Variants in GRM5 observed in about 807,000 individuals in gnomAD.
GRM5 encodes the protein glutamate metabotropic receptor 5.
Under a neutral mutation model 83.1 loss-of-function variants are expected in GRM5, and 19 were observed. That is an observed-to-expected ratio of 0.23 (90% CI 0.16 to 0.34). GRM5 has a LOEUF of 0.34. Among genes scored for constraint, GRM5 ranks in the 10% least tolerant of loss-of-function variants. The pLI is 1.00. For missense variants in GRM5, 1,160 were observed against 1,588.3 expected (o/e 0.73, Z 4.58); for synonymous variants, 675 against 633.6 (o/e 1.07, Z -0.98).
intron 4 of GRM5, among the ~76,000 whole-genome samples, chr11:88,617,636 G>T (rs748410686): frequency 6.6e-6 from 1 of 152,104 alleles, no homozygotes; most frequent in Admixed American, 6.5e-5. Flanking sequence ...GTAAGCGGTG[G>T]GTGCAAAGGC....
chr11:88,589,175 T>C (rs1196734541), intron 7 of GRM5, among the ~76,000 whole-genome samples: 1 of 150,362 alleles, frequency 6.7e-6, no homozygotes, highest in Non-Finnish European at 1.5e-5. Context: ...ATAGGAATAC[T>C]GCTCCTCACC....
At chr11:88,747,144 G>T (rs879417223) in intron 3 of GRM5, among the ~76,000 whole-genome samples, 9 of 152,024 alleles carry the variant, frequency 5.9e-5, no homozygotes, top group Non-Finnish European at 7.4e-5. Context: ...AAAACCAAAG[G>T]CTCTCAACCT....
At chr11:88,600,239 C>T (rs547698748) in intron 5 of GRM5, among the ~76,000 whole-genome samples, 47 of 148,972 alleles carry the variant, frequency 3.2e-4, no homozygotes, top group Middle Eastern at 3.4e-3. Flanking sequence ...CCTCCTCCTC[C>T]TTCCTCCTCC....
chr11:88,944,137 C>T (rs543881125), intron 2 of GRM5, among the ~76,000 whole-genome samples: 12 of 151,796 alleles, frequency 7.9e-5, no homozygotes, highest in East Asian at 1.9e-4. Flanking sequence ...CTTTATTAGG[C>T]GGGGGAAATG....
At chr11:88,724,587 T>C (rs1941630486) in intron 3 of GRM5, among the ~76,000 whole-genome samples, 1 of 152,110 alleles carries the variant, frequency 6.6e-6, no homozygotes, top group African/African-American at 2.4e-5. Flanking sequence ...ACTGCATGAA[T>C]GGATGGATAA....
At chr11:88,968,787 C>G (rs1939074031) in intron 2 of GRM5, among the ~76,000 whole-genome samples, 1 of 152,016 alleles carries the variant, frequency 6.6e-6, no homozygotes. Flanking sequence ...TAAAAAGCCA[C>G]TGAATTGTAT....
intron 2 of GRM5, among the ~76,000 whole-genome samples, chr11:88,992,007 A>G (rs1459747095): frequency 6.6e-6 from 1 of 152,164 alleles, no homozygotes; most frequent in Non-Finnish European, 1.5e-5. Context: ...GACAAAATTG[A>G]CAAATGGGAT....
intron 2 of GRM5, among the ~76,000 whole-genome samples, chr11:89,026,520 T>C (rs1463746782): frequency 6.6e-6 from 1 of 152,146 alleles, no homozygotes; most frequent in Non-Finnish European, 1.5e-5. Flanking sequence ...AAAATAAAAT[T>C]TTGTCTCAAG....
intron 7 of GRM5, among the ~76,000 whole-genome samples, chr11:88,581,425 C>T (rs1943211154): frequency 6.6e-6 from 1 of 152,194 alleles, no homozygotes; most frequent in African/African-American, 2.4e-5. Flanking sequence ...CACAATGAGT[C>T]ACTGGTGGAG....
chr11:88,884,938 A>T (rs588325), intron 2 of GRM5, among the ~76,000 whole-genome samples: 17 of 151,864 alleles, frequency 1.1e-4, no homozygotes, highest in African/African-American at 3.9e-4. Context: ...CTTTATTACC[A>T]GCATGAGATC....
intron 2 of GRM5, among the ~76,000 whole-genome samples, chr11:88,920,538 G>C (rs4753772): frequency 0.92 from 139,633 of 151,892 alleles, 64,429 homozygotes; most frequent in South Asian, 0.97. Flanking sequence ...TATAGAGGAG[G>C]AGGGAATATT....
chr11:88,606,892 T>A, intron 4 of GRM5, among the ~76,000 whole-genome samples: 1 of 148,372 alleles, frequency 6.7e-6, no homozygotes. Flanking sequence ...AGAGCTGAGG[T>A]AAAGCCAGAG....
chr11:89,037,447 C>T (rs188329121), intron 2 of GRM5, among the ~76,000 whole-genome samples: 1 of 152,000 alleles, frequency 6.6e-6, no homozygotes, highest in East Asian at 1.9e-4. Flanking sequence ...CAATGAGTAA[C>T]CTACAGTGCA....
chr11:88,679,506 T>C (rs964233072), intron 3 of GRM5, among the ~76,000 whole-genome samples: 1 of 152,166 alleles, frequency 6.6e-6, no homozygotes, highest in African/African-American at 2.4e-5. Context: ...ATATATATAG[T>C]ATGTATATTC....
At chr11:88,602,597 GTCTACAAATAAGTTT>G (rs1272936113) in intron 5 of GRM5, among the ~76,000 whole-genome samples, 4 of 152,178 alleles carry the variant, frequency 2.6e-5, no homozygotes, top group Non-Finnish European at 4.4e-5. Flanking sequence ...ACAACCTAAT[GTCTACAAATAAGTTT>G]TCTCAGAATA....
At chr11:88,549,892 A>G (rs1338039845) in intron 8 of GRM5, among the ~76,000 whole-genome samples, 1 of 152,172 alleles carries the variant, frequency 6.6e-6, no homozygotes, top group Non-Finnish European at 1.5e-5. Context: ...CTGCTGGGAC[A>G]GGGTGGTGGA....
rs141538578 is a variant in GRM5, at chr11:88,864,913, A to C, written c.662-14758T>G. On this transcript the variant is annotated intron_variant, in intron 2 of 9. Coordinates refer to ENST00000305447, the MANE Select transcript of GRM5 (RefSeq NM_001143831.3). Reference sequence around the variant, plus strand: ...TTCATCGAAGGCCTTTTCTGCATCTATTGAGATAGTCATGTGGTTTTTGTC... The same window carrying C: ...TTCATCGAAGGCCTTTTCTGCATCTCTTGAGATAGTCATGTGGTTTTTGTC... Among the ~76,000 whole-genome samples the C allele has an allele frequency of 1.7e-3, 266 of 152,088 alleles. 4 individuals carry two copies. In the East Asian group the frequency reaches 0.032, roughly 18 times the overall value.
At chr11:88,834,233 T>C (rs1344687332) in intron 3 of GRM5, among the ~76,000 whole-genome samples, 3 of 152,168 alleles carry the variant, frequency 2.0e-5, no homozygotes, top group Non-Finnish European at 2.9e-5. Context: ...GTGTACCCCA[T>C]ACATATGTAC....
chr11:88,756,595 A>G (rs1015027722), intron 3 of GRM5, among the ~76,000 whole-genome samples: 5 of 152,196 alleles, frequency 3.3e-5, no homozygotes, highest in African/African-American at 9.6e-5. Flanking sequence ...AAAAAATTAT[A>G]TAGCAACTAT....
Sources: allele counts gnomAD v4.1 joint callset (sites outside exome capture counted in the v4.1 genomes callset), GRCh38; gene constraint gnomAD v4.1.1; transcripts MANE v1.5; gene names NCBI Gene and HGNC (gene_info 2026-07-23, HGNC 2026-07-21).